The following MIDEAS variants were observed in gnomAD, a reference collection of about 807,000 sequenced individuals.
The protein encoded by MIDEAS is mitotic deacetylase-associated SANT domain protein.
A neutral mutation model predicts 102.7 loss-of-function variants in MIDEAS; 26 were observed. That is an observed-to-expected ratio of 0.25 (90% confidence interval 0.19 to 0.35). The LOEUF (loss-of-function observed/expected upper bound fraction) is 0.35. MIDEAS is among the 10% of genes least tolerant of loss of function. The probability of loss-of-function intolerance (pLI) is 1.00; values close to 1 mark genes in which losing one functional copy is unlikely to be tolerated. For missense variants in MIDEAS, 1,231 were observed against 1,435.6 expected (o/e 0.86, Z 2.30); for synonymous variants, 585 against 591.0 (o/e 0.99, Z 0.15).
chr14:73,738,278 C>T (rs975912277), intron 2 of MIDEAS, among the ~76,000 whole-genome samples: 1 of 152,090 alleles, frequency 6.6e-6, no homozygotes, highest in Non-Finnish European at 1.5e-5. Context: ...CGCCTGTAAT[C>T]CCAGCTACTC....
Position 73,738,768 on chromosome 14 carries a change from T to A in MIDEAS, c.1241A>T (p.Glu414Val), listed in dbSNP as rs1408349184. ...CTCCCGGCCATTGGGTGCTAGTCTC[T>A]CCCCATCAGGCAGTAGCTGCGACTC... The part of the protein sequence containing the change: ...LRESQLLPDG[E>V]RLAPNGRERE... The change falls in exon 2 of 13, where the codon GAG (glutamate) becomes GTG (valine). Residue 414 changes from glutamate (E) to valine (V), a missense_variant. By Grantham distance (121) the Glu-to-Val change is moderately radical. Transcript: ENST00000423556. 1.9e-6 allele frequency: 3 copies of A among 1,597,162 alleles called. No individual in the cohort carries two copies. The highest frequency in any genetic ancestry group is 2.6e-6 in the Non-Finnish European group (3 of 1,170,730).
chr14:73,736,523 C>T (rs1474884304), intron 3 of MIDEAS, among the ~76,000 whole-genome samples: 2 of 151,266 alleles, frequency 1.3e-5, no homozygotes, highest in African/African-American at 4.9e-5. Flanking sequence ...CCCAGCTACT[C>T]GGGAGGCTGA....
At position 73,742,442 on chromosome 14, in the gene MIDEAS, G is replaced by A. The variant is rs1049896023; in HGVS notation, c.-247-2187C>T. 4.7e-5 allele frequency among the ~76,000 whole-genome samples: 7 copies of A among 148,396 alleles called. No homozygotes were observed. The highest frequency in any genetic ancestry group is 4.0e-4 in the Admixed American group (6 of 15,128). On this transcript the variant is annotated intron_variant, in intron 1 of 12. Transcript: ENST00000423556. The surrounding 1 kb of genome is among the most constrained non-coding windows in gnomAD (Gnocchi z 4.4). ...AGAAGGAGATGAGGCGGGGCCTGCG[G>A]CTCCAGGACAAGCCTGCTTCTGCCC...
intron 2 of MIDEAS, among the ~76,000 whole-genome samples, chr14:73,738,221 C>T (rs186446387): frequency 1.4e-3 from 216 of 152,084 alleles, no homozygotes; most frequent in African/African-American, 5.1e-3. Context: ...CATGGTAAAA[C>T]CCTGTCTCTA....
chr14:73,752,215 G>A (rs960341483), intron 1 of MIDEAS, among the ~76,000 whole-genome samples: 1 of 152,132 alleles, frequency 6.6e-6, no homozygotes, highest in African/African-American at 2.4e-5. Flanking sequence ...TCAATTTCAT[G>A]GCTCATAGAA....
chr14:73,754,003 G>A (rs1215014787), intron 1 of MIDEAS, among the ~76,000 whole-genome samples: 4 of 152,200 alleles, frequency 2.6e-5, no homozygotes, highest in Admixed American at 6.5e-5. Context: ...CTGAGGAAGG[G>A]CTGCAGGAAG....
chr14:73,722,989 T>C (rs771545634), intron 9 of MIDEAS, 142 bp from the exon 10 acceptor site: 7 of 836,316 alleles, frequency 8.4e-6, no homozygotes, highest in Non-Finnish European at 1.3e-5. Flanking sequence ...TACAAGCATT[T>C]TTCCAATGCC....
At chr14:73,757,102 A>G (rs977144098) in intron 1 of MIDEAS, among the ~76,000 whole-genome samples, 13 of 151,776 alleles carry the variant, frequency 8.6e-5, no homozygotes, top group Non-Finnish European at 1.5e-4. Flanking sequence ...GCAAAACCCC[A>G]TATCTACAAA....
At chr14:73,746,780 C>A (rs1469784395) in intron 1 of MIDEAS, among the ~76,000 whole-genome samples, 1 of 152,212 alleles carries the variant, frequency 6.6e-6, no homozygotes, top group East Asian at 1.9e-4. Context: ...CACTCCCCCA[C>A]CACACACCCT....
chr14:73,723,065 TA>T, intron 9 of MIDEAS: 2 of 448,702 alleles, frequency 4.5e-6, no homozygotes, highest in Non-Finnish European at 7.9e-6. Flanking sequence ...AGTAAATAAA[TA>T]AAAAAAGCTA....
chr14:73,785,711 C>T (rs903955344), intron 1 of MIDEAS, among the ~76,000 whole-genome samples: 29 of 152,166 alleles, frequency 1.9e-4, no homozygotes, highest in Non-Finnish European at 3.1e-4. Context: ...ATCTCCTTTT[C>T]CTACTGACGT....
upstream of MIDEAS, among the ~76,000 whole-genome samples, chr14:73,787,919 TC>T (rs2053833622): frequency 6.6e-6 from 1 of 152,198 alleles, no homozygotes; most frequent in Non-Finnish European, 1.5e-5. Flanking sequence ...ATTCTGTGTT[TC>T]ATCACCGGTC....
At chr14:73,726,541 C>G in intron 7 of MIDEAS, 63 bp downstream of exon 7, 1 of 1,498,016 alleles carries the variant, frequency 6.7e-7, no homozygotes, top group East Asian at 2.3e-5. Flanking sequence ...TCCTGAGCAG[C>G]AGACATGGAT....
chr14:73,743,345 G>A (rs2053306550), intron 1 of MIDEAS, among the ~76,000 whole-genome samples: 1 of 152,188 alleles, frequency 6.6e-6, no homozygotes, highest in Admixed American at 6.5e-5. Context: ...GGAAGGGAGA[G>A]CAGGAAAAGG....
Position 73,734,106 on chromosome 14 carries a change from T to C in MIDEAS, c.1749+2892A>G, listed in dbSNP as rs184346868. ...TTCAAGCGATTCTCCTGCCTCAGCCTCCCAAGTAGCTGGGATTACAGGTGC... is the reference window on the plus strand; with the variant it reads ...TTCAAGCGATTCTCCTGCCTCAGCCCCCCAAGTAGCTGGGATTACAGGTGC... On this transcript the variant is annotated intron_variant, in intron 3 of 12. Coordinates refer to ENST00000423556, the MANE Select transcript of MIDEAS (RefSeq NM_001367710.1). 2.9e-3 allele frequency among the ~76,000 whole-genome samples: 434 copies of C among 152,008 alleles called. 5 individuals are homozygous for C. The highest frequency in any genetic ancestry group is 9.8e-3 in the African/African-American group (407 of 41,438).
upstream of MIDEAS, among the ~76,000 whole-genome samples, chr14:73,787,813 A>G (rs77393069): frequency 0.013 from 2,045 of 152,150 alleles, 38 homozygotes; most frequent in African/African-American, 0.042. Context: ...GGCTATTTCA[A>G]CGCCCAAGCT....
upstream of MIDEAS, among the ~76,000 whole-genome samples, chr14:73,761,625 A>G (rs779904979): frequency 1.3e-5 from 2 of 152,218 alleles, no homozygotes; most frequent in Non-Finnish European, 2.9e-5. Flanking sequence ...TTCAAGATCC[A>G]TGATTCTGTG....
chr14:73,760,066 G>A lies in MIDEAS; in HGVS notation c.-551C>T, dbSNP rs2053539459. On this transcript the variant is annotated 5_prime_UTR_variant, in exon 1 of 13. The change creates a new upstream start codon in the 5' untranslated region. Transcript: ENST00000423556. This position sits in a 1 kb window ranked among gnomAD's most constrained non-coding sequence, Gnocchi z 4.8. ...CCTCGCGAGCGCTCTGCCTCCCTCC[G>A]TGTCACCCCCAGTCCTGCGATGCAG... is the stretch of plus-strand genomic sequence containing the variant. 6.6e-6 allele frequency: 1 copy of A among 151,764 alleles called. No homozygotes were observed. The highest frequency in any genetic ancestry group is 1.5e-5 in the Non-Finnish European group (1 of 67,960). 9.4% of individuals were successfully genotyped at this position (151,764 alleles called of 1,614,324 possible).
At position 73,729,916 on chromosome 14, in the gene MIDEAS, C is replaced by T. The variant is rs755175254; in HGVS notation, c.1819G>A (p.Glu607Lys). ...VRKPKQRPRP[E>K]PLIIPTKAGT... ...GCCTTGGTGGGGATGATGAGGGGCT[C>T]GGGCCTGGGCCGCTGCTTTGGTTTC... The change falls in exon 4 of 13, where the codon GAG (glutamate) becomes AAG (lysine). Residue 607 changes from glutamate to lysine, a missense_variant. Coordinates refer to ENST00000423556, the MANE Select transcript of MIDEAS (RefSeq NM_001367710.1). 13 of 1,609,088 alleles carry T rather than the reference C, an allele frequency of 8.1e-6. No homozygotes were observed. The highest frequency in any genetic ancestry group is 1.7e-5 in the Admixed American group (1 of 59,856).
Sources: gnomAD v4.1 joint callset for allele counts (sites outside exome capture counted in the v4.1 genomes callset) on GRCh38, gnomAD v4.1.1 for gene constraint, Gnocchi (gnomAD v3.1) non-coding constraint, MANE v1.5 for transcripts, NCBI Gene and HGNC (gene_info 2026-07-23, HGNC 2026-07-21) for gene names.